The following GPHN variants were observed in gnomAD, a reference collection of about 807,000 sequenced individuals.
GPHN encodes gephyrin.
GPHN carries 17 observed loss-of-function variants against 95.5 expected under a neutral mutation model. That is an observed-to-expected ratio of 0.18 (90% CI 0.12 to 0.27). The LOEUF (loss-of-function observed/expected upper bound fraction) is 0.27. GPHN is among the 10% of genes least tolerant of loss of function. GPHN has a pLI of 1.00. For missense variants in GPHN, 660 were observed against 978.1 expected (o/e 0.67, Z 4.34); for synonymous variants, 320 against 322.5 (o/e 0.99, Z 0.08).
At chr14:66,686,941 T>C (rs1341977172) in intron 2 of GPHN, among the ~76,000 whole-genome samples, 1 of 152,154 alleles carries the variant, frequency 6.6e-6, no homozygotes, top group Non-Finnish European at 1.5e-5. Flanking sequence ...ACCTAATTTG[T>C]TGAGAGTTTT....
chr14:66,818,500 C>A (rs960886971), intron 3 of GPHN, among the ~76,000 whole-genome samples: 3 of 152,140 alleles, frequency 2.0e-5, no homozygotes, highest in African/African-American at 7.2e-5. Context: ...TTCAGTCTGT[C>A]ATTGATGGGC....
intron 11 of GPHN, among the ~76,000 whole-genome samples, chr14:67,070,279 T>C (rs2076230238): frequency 1.3e-5 from 2 of 150,198 alleles, no homozygotes; most frequent in Admixed American, 6.7e-5. Flanking sequence ...TATATGTGTG[T>C]ATATATATGT....
chr14:67,163,760 GA>G (rs770786731), intron 19 of GPHN, among the ~76,000 whole-genome samples: 1 of 151,774 alleles, frequency 6.6e-6, no homozygotes, highest in African/African-American at 2.4e-5. Flanking sequence ...TCATCTGTAT[GA>G]AAAAAGTATG....
the GPHN span, among the ~76,000 whole-genome samples, chr14:67,307,452 A>C: frequency 6.6e-6 from 1 of 152,248 alleles, no homozygotes; most frequent in Non-Finnish European, 1.5e-5. Context: ...CCAGAAAATT[A>C]ACAGATTATT....
chr14:67,400,359 T>TA, the GPHN span, among the ~76,000 whole-genome samples: 1 of 152,228 alleles, frequency 6.6e-6, no homozygotes. Context: ...GTTCCTTACT[T>TA]ACATCCACAT....
chr14:67,499,901 C>A, the GPHN span, among the ~76,000 whole-genome samples: 1 of 152,114 alleles, frequency 6.6e-6, no homozygotes, highest in African/African-American at 2.4e-5. Context: ...CCTCCACCAT[C>A]TGAAGACACC....
the GPHN span, among the ~76,000 whole-genome samples, chr14:67,238,120 CTCCAGTTTCT>C: frequency 6.7e-4 from 102 of 152,204 alleles, no homozygotes; most frequent in African/African-American, 2.4e-3. Context: ...ATTACCATGC[CTCCAGTTTCT>C]ATACCTTTCA....
At chr14:66,753,709 T>C (rs1408639810) in intron 2 of GPHN, among the ~76,000 whole-genome samples, 1 of 152,104 alleles carries the variant, frequency 6.6e-6, no homozygotes, top group Non-Finnish European at 1.5e-5. Flanking sequence ...AATAGCTTTA[T>C]TGAGATATAC....
intron 1 of GPHN, among the ~76,000 whole-genome samples, chr14:66,680,539 C>T (rs1371568041): frequency 4.6e-5 from 7 of 152,122 alleles, no homozygotes; most frequent in African/African-American, 1.7e-4. Flanking sequence ...TTTTTCATGC[C>T]AGCTTACAAA....
the GPHN span, among the ~76,000 whole-genome samples, chr14:67,530,828 T>C: frequency 6.6e-6 from 1 of 152,188 alleles, no homozygotes; most frequent in Non-Finnish European, 1.5e-5. Context: ...TGCCAATACA[T>C]GTATATTTGG....
the GPHN span, among the ~76,000 whole-genome samples, chr14:67,237,604 C>T: frequency 1.3e-5 from 2 of 151,956 alleles, no homozygotes; most frequent in Non-Finnish European, 2.9e-5. Flanking sequence ...AGGCACATGC[C>T]ACCATGACTG....
the GPHN span, chr14:67,392,439 G>A: frequency 2.5e-6 from 4 of 1,588,976 alleles, no homozygotes; most frequent in African/African-American, 5.4e-5. Context: ...TAGGGGGAAG[G>A]AGGGAGCAAG....
rs188802264 is a variant in GPHN at position 66,802,581 on chromosome 14, C to G, written c.202-21893C>G. ...GGAATGTGCAGAATCTCACCTGATG[C>G]CAGCAAGTCTCACCATCTCACCCAA... On this transcript the variant is annotated intron_variant, in intron 3 of 22. Transcript: ENST00000478722. Among the ~76,000 whole-genome samples the G allele has an allele frequency of 2.4e-4, 36 of 152,304 alleles. No individual in the cohort carries two copies. In the East Asian group the frequency reaches 6.9e-3, roughly 29 times the overall value.
intron 2 of GPHN, among the ~76,000 whole-genome samples, chr14:66,774,981 C>G (rs1242000866): frequency 6.6e-6 from 1 of 152,082 alleles, no homozygotes; most frequent in Non-Finnish European, 1.5e-5. Context: ...TCTCTGAATG[C>G]CACTGAAATT....
downstream of GPHN, among the ~76,000 whole-genome samples, chr14:67,182,738 A>G (rs1227083859): frequency 6.6e-6 from 1 of 152,078 alleles, no homozygotes; most frequent in East Asian, 1.9e-4. Flanking sequence ...ATTTGATAAT[A>G]TATAGTAGAG....
At chr14:66,804,004 G>C (rs1251505218) in intron 3 of GPHN, among the ~76,000 whole-genome samples, 2 of 151,438 alleles carry the variant, frequency 1.3e-5, no homozygotes. Context: ...CTCTTTTGGG[G>C]GTTTTTTTTG....
At chr14:67,663,109 G>A in the GPHN span, 30 of 1,520,830 alleles carry the variant, frequency 2.0e-5, no homozygotes, top group African/African-American at 1.1e-4. Flanking sequence ...CGATGAGAAC[G>A]TTATTCATTC....
the GPHN span, among the ~76,000 whole-genome samples, chr14:67,623,810 G>A: frequency 1.3e-5 from 2 of 151,968 alleles, no homozygotes; most frequent in Non-Finnish European, 2.9e-5. Flanking sequence ...CCAAAGTGCT[G>A]GGATTACAAG....
chr14:67,020,815 A>G, intron 9 of GPHN, among the ~76,000 whole-genome samples: 1 of 152,190 alleles, frequency 6.6e-6, no homozygotes, highest in East Asian at 1.9e-4. Context: ...GTAGAAGGTA[A>G]TCAGATGCCA....
Sources: gnomAD v4.1 joint callset for allele counts (sites outside exome capture counted in the v4.1 genomes callset) on GRCh38, gnomAD v4.1.1 for gene constraint, MANE v1.5 for transcripts, NCBI Gene and HGNC (gene_info 2026-07-23, HGNC 2026-07-21) for gene names.